Variants in RPH3A observed in about 807,000 individuals in gnomAD.
RPH3A encodes the protein rabphilin 3A.
A neutral mutation model predicts 102.2 loss-of-function variants in RPH3A; 48 were observed. The ratio of observed to expected loss-of-function variants is 0.47; its 90% CI spans 0.37 to 0.60. RPH3A has a LOEUF of 0.60. RPH3A is among the 20% of genes least tolerant of loss of function. The pLI, the probability that RPH3A is intolerant of heterozygous loss-of-function variation, is 0.00. For missense variants in RPH3A, 781 were observed against 910.1 expected (o/e 0.86, Z 1.83); for synonymous variants, 310 against 324.3 (o/e 0.96, Z 0.47).
chr12:112,724,175 G>T (rs897981131), intron 1 of RPH3A, among the ~76,000 whole-genome samples: 2 of 150,430 alleles, frequency 1.3e-5, no homozygotes, highest in African/African-American at 4.9e-5. Flanking sequence ...TCCTGCCTCA[G>T]CCTCCTGAGG....
Position 112,777,298 on chromosome 12 carries a change from T to C in RPH3A, c.-139-14845T>C, listed in dbSNP as rs142817067. Among the ~76,000 whole-genome samples, 926 of 152,338 alleles carry C rather than the reference T, an allele frequency of 6.1e-3. 7 individuals carry two copies. Among genetic ancestry groups the C allele is most frequent in the African/African-American group, 0.021 (856 of 41,578 alleles). ...TCATCAGTGTTAATATTATTATTAA[T>C]TTGGGTCCTCCTCATCCCTGTGCAT... On this transcript the variant is annotated intron_variant, in intron 1 of 21. Coordinates refer to the RPH3A transcript ENST00000543106.
intron 1 of RPH3A, among the ~76,000 whole-genome samples, chr12:112,719,475 T>A (rs2040537122): frequency 6.6e-6 from 1 of 152,198 alleles, no homozygotes; most frequent in African/African-American, 2.4e-5. Context: ...AATGACATTT[T>A]GAGAGCACCA....
intron 1 of RPH3A, among the ~76,000 whole-genome samples, chr12:112,679,161 T>TC (rs2040208792): frequency 1.3e-5 from 2 of 148,444 alleles, no homozygotes; most frequent in South Asian, 4.2e-4. Flanking sequence ...TTACCACACT[T>TC]TTTTTTTTTT....
intron 4 of RPH3A, among the ~76,000 whole-genome samples, chr12:112,847,011 T>C (rs1470894774): frequency 2.0e-5 from 3 of 152,144 alleles, no homozygotes; most frequent in African/African-American, 7.2e-5. Flanking sequence ...AAACAGCCCC[T>C]GCCTTGTAGG....
chr12:112,616,991 C>T (rs2039685358), intron 1 of RPH3A, among the ~76,000 whole-genome samples: 1 of 152,186 alleles, frequency 6.6e-6, no homozygotes, highest in South Asian at 2.1e-4. Flanking sequence ...GGCAAGGACC[C>T]AGCTCCCCAT....
At chr12:112,758,908 C>G (rs1416552774) in intron 1 of RPH3A, among the ~76,000 whole-genome samples, 1 of 152,134 alleles carries the variant, frequency 6.6e-6, no homozygotes, top group African/African-American at 2.4e-5. Flanking sequence ...TCTACCAACC[C>G]AGGAGGACAG....
Position 112,868,608 on chromosome 12 carries a change from AG to A in RPH3A, c.610+15del. The stretch of plus-strand genomic sequence containing the variant: ...GCTCCAGCTCGAGGTAGGACAAAAC[AG>A]GTGCTTCTTTCAGGACCAAGGACAG... On this transcript the variant is annotated intron_variant, in intron 8 of 21. Transcript: ENST00000389385. 1 of 1,611,810 alleles carries A rather than the reference AG, an allele frequency of 6.2e-7. No homozygotes were observed. The highest frequency in any genetic ancestry group is 8.5e-7 in the Non-Finnish European group (1 of 1,178,852).
At chr12:112,677,988 C>T (rs1032371967) in intron 1 of RPH3A, among the ~76,000 whole-genome samples, 12 of 151,550 alleles carry the variant, frequency 7.9e-5, no homozygotes, top group East Asian at 2.0e-4. Context: ...GCCAGGAGTT[C>T]GAGACTAGCC....
At chr12:112,827,925 G>T (rs2041907593) in intron 2 of RPH3A, among the ~76,000 whole-genome samples, 1 of 152,162 alleles carries the variant, frequency 6.6e-6, no homozygotes, top group South Asian at 2.1e-4. Flanking sequence ...AAAAAGGCAG[G>T]GATGACTCCA....
intron 1 of RPH3A, among the ~76,000 whole-genome samples, chr12:112,701,559 C>A (rs1286344803): frequency 6.6e-6 from 1 of 151,972 alleles, no homozygotes; most frequent in African/African-American, 2.4e-5. Context: ...GTTCTGTGTC[C>A]CTGGAGGTAT....
chr12:112,717,601 T>C (rs2040522691), intron 1 of RPH3A, among the ~76,000 whole-genome samples: 1 of 152,196 alleles, frequency 6.6e-6, no homozygotes, highest in African/African-American at 2.4e-5. Context: ...ATCAGTAGTA[T>C]TCCATTGTGG....
intron 1 of RPH3A, among the ~76,000 whole-genome samples, chr12:112,632,088 C>T (rs1407149680): frequency 2.0e-5 from 3 of 152,140 alleles, no homozygotes; most frequent in Admixed American, 2.0e-4. Context: ...GAATAAGTCT[C>T]ATGAGATCTG....
At chr12:112,585,131 G>T (rs233726) in intron 1 of RPH3A, among the ~76,000 whole-genome samples, 5,927 of 152,254 alleles carry the variant, frequency 0.039, 171 homozygotes, top group South Asian at 0.062. Flanking sequence ...AAAGATGCAG[G>T]CTGGAAGACT....
chr12:112,842,158 A>T (rs2042158441), intron 4 of RPH3A, among the ~76,000 whole-genome samples: 1 of 152,176 alleles, frequency 6.6e-6, no homozygotes, highest in South Asian at 2.1e-4. Context: ...CTATTCATTC[A>T]TTCTTTCTTC....
At chr12:112,874,387 T>C (rs2042759025) in intron 10 of RPH3A, among the ~76,000 whole-genome samples, 1 of 152,150 alleles carries the variant, frequency 6.6e-6, no homozygotes, top group Non-Finnish European at 1.5e-5. Context: ...TCCCCATCTA[T>C]AAAATGGAGA....
intron 1 of RPH3A, among the ~76,000 whole-genome samples, chr12:112,679,924 A>G (rs1415890744): frequency 1.3e-5 from 2 of 152,238 alleles, no homozygotes; most frequent in African/African-American, 2.4e-5. Flanking sequence ...ACACAGACTG[A>G]CAGTGAGTGG....
At chr12:112,850,568 C>T (rs1448225059) in intron 5 of RPH3A, among the ~76,000 whole-genome samples, 2 of 152,216 alleles carry the variant, frequency 1.3e-5, no homozygotes, top group East Asian at 3.9e-4. Context: ...CCGGAAGATT[C>T]TGGCTGTGGT....
rs147594555 is a variant in RPH3A at position 112,769,427 on chromosome 12, A to C, written c.-139-22716A>C. ...CTGAATTCTTCACTGTTATGAAATT[A>C]GTTTTCTAAAGCTGACGTGGAAGTT... On this transcript the variant is annotated intron_variant, in intron 1 of 21. Transcript: ENST00000543106. 1.6e-3 allele frequency among the ~76,000 whole-genome samples: 251 copies of C among 152,342 alleles called. 1 individual carries two copies. The highest frequency in any genetic ancestry group is 5.7e-3 in the African/African-American group (238 of 41,580).
intron 5 of RPH3A, among the ~76,000 whole-genome samples, chr12:112,854,365 C>T (rs1038753561): frequency 2.6e-5 from 4 of 152,248 alleles, no homozygotes; most frequent in African/African-American, 9.6e-5. Context: ...AAAATAATCA[C>T]AACGGACAAC....
Sources: allele counts gnomAD v4.1 joint callset (sites outside exome capture counted in the v4.1 genomes callset), GRCh38; gene constraint gnomAD v4.1.1; transcripts MANE v1.5; gene names NCBI Gene and HGNC (gene_info 2026-07-23, HGNC 2026-07-21).